SLC44A1: variants seen among roughly 807,000 people sequenced by gnomAD.
SLC44A1 encodes choline transporter-like protein 1.
A neutral mutation model predicts 79.3 loss-of-function variants in SLC44A1; 26 were observed. That is an observed-to-expected ratio of 0.33 (90% CI 0.24 to 0.46). SLC44A1 has a LOEUF of 0.46. Among genes scored for constraint, SLC44A1 ranks in the 20% least tolerant of loss-of-function variants. The probability of loss-of-function intolerance (pLI) is 1.00; values close to 1 mark genes in which losing one functional copy is unlikely to be tolerated. For missense variants in SLC44A1, 688 were observed against 798.1 expected, an observed-to-expected ratio of 0.86 and a Z score of 1.66; for synonymous variants, 263 against 286.2, an observed-to-expected ratio of 0.92 and a Z score of 0.82.
At chr9:105,356,944 TC>T (rs2131400509) in intron 6 of SLC44A1, among the ~76,000 whole-genome samples, 1 of 152,276 alleles carries the variant, frequency 6.6e-6, no homozygotes, top group African/African-American at 2.4e-5. Flanking sequence ...AGATTAAAAC[TC>T]CCTATATTAT....
chr9:105,387,879 C>G (rs555807621), intron 15 of SLC44A1, among the ~76,000 whole-genome samples: 37 of 152,316 alleles, frequency 2.4e-4, no homozygotes, highest in Non-Finnish European at 1.6e-4. Context: ...GGTTATGTGG[C>G]ATTCTACCAG....
chr9:105,378,748 G>T (rs1564468587), intron 13 of SLC44A1, among the ~76,000 whole-genome samples: 1 of 151,912 alleles, frequency 6.6e-6, no homozygotes, highest in Non-Finnish European at 1.5e-5. Flanking sequence ...TATAGTTCTG[G>T]TCATAGAATA....
chr9:105,279,189 A>G (rs1442375441), intron 1 of SLC44A1, among the ~76,000 whole-genome samples: 2 of 146,900 alleles, frequency 1.4e-5, no homozygotes, highest in East Asian at 3.9e-4. Context: ...ACAAAGCAAG[A>G]CTCAAAAAAA....
At chr9:105,430,708 A>G (rs78097953) in intron 15 of SLC44A1, among the ~76,000 whole-genome samples, 1 of 152,134 alleles carries the variant, frequency 6.6e-6, no homozygotes, top group African/African-American at 2.4e-5. Context: ...CCTTTTCGCT[A>G]TTCTGAATAA....
chr9:105,363,382 C>T (rs1043862859), intron 9 of SLC44A1, among the ~76,000 whole-genome samples: 1 of 151,628 alleles, frequency 6.6e-6, no homozygotes, highest in Admixed American at 6.6e-5. Context: ...AGGCTGGTCT[C>T]GAACTCCTGA....
intron 1 of SLC44A1, among the ~76,000 whole-genome samples, chr9:105,247,685 G>A (rs1829490589): frequency 6.6e-6 from 1 of 152,144 alleles, no homozygotes; most frequent in Admixed American, 6.5e-5. Flanking sequence ...AACTGTTTTT[G>A]TTTTCCTTAT....
At chr9:105,360,603 T>C (rs959250525) in intron 7 of SLC44A1, among the ~76,000 whole-genome samples, 1 of 152,180 alleles carries the variant, frequency 6.6e-6, no homozygotes, top group Non-Finnish European at 1.5e-5. Flanking sequence ...TCAACCGGTG[T>C]TGGAGATTTA....
chr9:105,261,630 G>A (rs1490591703), intron 1 of SLC44A1, among the ~76,000 whole-genome samples: 2 of 152,150 alleles, frequency 1.3e-5, no homozygotes, highest in Non-Finnish European at 2.9e-5. Context: ...TCATGGGCTG[G>A]TGTGCTGTCA....
intron 1 of SLC44A1, among the ~76,000 whole-genome samples, chr9:105,298,053 A>G (rs908446331): frequency 2.0e-5 from 3 of 152,048 alleles, no homozygotes; most frequent in African/African-American, 7.2e-5. Context: ...TATTTCAGTT[A>G]GATTTCCATT....
At position 105,361,361 on chromosome 9, in the gene SLC44A1, T is replaced by G. The variant is rs765923079; in HGVS notation, c.900+31T>G. 14 of 1,548,342 alleles carry G rather than the reference T, an allele frequency of 9.0e-6. No homozygotes were observed. The African/African-American group carries it at 1.2e-4, about 14-fold the overall frequency. ...TTTAGGCTTTGGCGTGTCTTTCGGTTTTGTGTTTTTGTTTGCAGGAGATCA... is the reference window on the plus strand; with the variant it reads ...TTTAGGCTTTGGCGTGTCTTTCGGTGTTGTGTTTTTGTTTGCAGGAGATCA... On this transcript the variant is annotated intron_variant, in intron 8 of 15. Coordinates refer to ENST00000374720, the MANE Select transcript of SLC44A1 (RefSeq NM_080546.5).
chr9:105,289,095 A>C (rs1830542672), intron 1 of SLC44A1, among the ~76,000 whole-genome samples: 1 of 152,240 alleles, frequency 6.6e-6, no homozygotes, highest in Non-Finnish European at 1.5e-5. Flanking sequence ...TTTTGGGTAA[A>C]AAATCTCATG....
intron 15 of SLC44A1, among the ~76,000 whole-genome samples, chr9:105,415,492 C>A (rs1005855943): frequency 1.3e-5 from 2 of 152,308 alleles, no homozygotes; most frequent in Non-Finnish European, 2.9e-5. Context: ...GGGACGGAAC[C>A]TTAGAGGGAG....
chr9:105,395,417 C>A lies in SLC44A1; in HGVS notation c.*6361C>A. 1 of 452,138 alleles carries A rather than the reference C, an allele frequency of 2.2e-6. No individual in the cohort carries two copies. Among genetic ancestry groups the A allele is most frequent in the Non-Finnish European group, 2.9e-6 (1 of 342,444 alleles). The allele number at this position is 452,138 out of a possible 1,614,324, so 28.0% of individuals were successfully genotyped here. The stretch of plus-strand genomic sequence containing the variant: ...TATTTTTAGTAGAGACGGGGTTTCA[C>A]CACGTTGGCCAGGCCAATCTCGAAC... On this transcript the variant is annotated 3_prime_UTR_variant, in exon 16 of 16. Coordinates refer to ENST00000374720, the MANE Select transcript of SLC44A1 (RefSeq NM_080546.5).
At chr9:105,328,930 C>A (rs1197977162) in intron 3 of SLC44A1, among the ~76,000 whole-genome samples, 1 of 152,146 alleles carries the variant, frequency 6.6e-6, no homozygotes, top group African/African-American at 2.4e-5. Flanking sequence ...GTGCTGGCCC[C>A]ATAGTTCTTT....
intron 3 of SLC44A1, among the ~76,000 whole-genome samples, chr9:105,331,947 A>G (rs1182150086): frequency 6.6e-6 from 1 of 152,164 alleles, no homozygotes; most frequent in Non-Finnish European, 1.5e-5. Context: ...CAAAGATCAA[A>G]TAAGTTCTTG....
intron 1 of SLC44A1, among the ~76,000 whole-genome samples, chr9:105,266,085 G>T (rs923221566): frequency 6.6e-6 from 1 of 152,104 alleles, no homozygotes; most frequent in Non-Finnish European, 1.5e-5. Context: ...AGCCTCTCAA[G>T]TAGCTAGGCC....
intron 2 of SLC44A1, among the ~76,000 whole-genome samples, chr9:105,302,786 A>T (rs1463611142): frequency 2.0e-5 from 3 of 152,124 alleles, no homozygotes; most frequent in Non-Finnish European, 4.4e-5. Context: ...GCACAGATAA[A>T]CCACTGAAAA....
intron 12 of SLC44A1, among the ~76,000 whole-genome samples, chr9:105,367,461 A>G (rs1448156249): frequency 6.6e-6 from 1 of 152,236 alleles, no homozygotes; most frequent in Non-Finnish European, 1.5e-5. Context: ...TTCTTAAAAT[A>G]ATTTGTAAGG....
At chr9:105,355,983 T>C (rs979311750) in intron 5 of SLC44A1, 16 of 522,302 alleles carry the variant, frequency 3.1e-5, no homozygotes, top group Non-Finnish European at 4.7e-5. Flanking sequence ...TAATGTCTTC[T>C]GTTGGAACAT....
Sources: gnomAD v4.1 joint callset for allele counts (sites outside exome capture counted in the v4.1 genomes callset) on GRCh38, gnomAD v4.1.1 for gene constraint, MANE v1.5 for transcripts, NCBI Gene and HGNC (gene_info 2026-07-23, HGNC 2026-07-21) for gene names.